Variants in RASGRF1 observed in about 807,000 individuals in gnomAD.
The protein encoded by RASGRF1 is Ras protein specific guanine nucleotide releasing factor 1, also known as ras-specific guanine nucleotide-releasing factor 1.
Under a neutral mutation model 138.7 loss-of-function variants are expected in RASGRF1, and 40 were observed. The ratio of observed to expected loss-of-function variants is 0.29; its 90% confidence interval spans 0.22 to 0.38. The LOEUF (loss-of-function observed/expected upper bound fraction) is 0.38, where lower values mean the gene tolerates loss of function less well. Ranked by LOEUF, RASGRF1 falls within the 10% of genes least tolerant of loss-of-function variation. The pLI is 1.00. For missense variants in RASGRF1, 1,108 were observed against 1,650.4 expected (o/e 0.67, Z 5.69); for synonymous variants, 614 against 663.2 (o/e 0.93, Z 1.14).
At chr15:79,017,950 C>A in intron 11 of RASGRF1, 44 bp from the exon 12 acceptor site, 1 of 1,604,694 alleles carries the variant, frequency 6.2e-7, no homozygotes, top group Admixed American at 1.7e-5. Context: ...AATGTGGACG[C>A]CTTTTCAGGT....
chr15:79,063,442 A>G (rs953589228), intron 2 of RASGRF1, among the ~76,000 whole-genome samples: 14 of 152,334 alleles, frequency 9.2e-5, no homozygotes, highest in Admixed American at 4.6e-4. Context: ...CATCATCCAC[A>G]CATACTTTTA....
chr15:79,008,872 G>A (rs2056738139), intron 13 of RASGRF1, among the ~76,000 whole-genome samples: 1 of 152,196 alleles, frequency 6.6e-6, no homozygotes. Context: ...CCGGAAAGAT[G>A]CTTTGAGGAC....
intron 26 of RASGRF1, among the ~76,000 whole-genome samples, chr15:78,969,889 T>C (rs987412277): frequency 1.3e-5 from 2 of 152,188 alleles, no homozygotes; most frequent in African/African-American, 4.8e-5. Flanking sequence ...GAGCCTACTA[T>C]AGTGCTTGGC....
intron 12 of RASGRF1, among the ~76,000 whole-genome samples, chr15:79,017,016 C>T (rs531433939): frequency 5.9e-5 from 9 of 152,346 alleles, no homozygotes; most frequent in Admixed American, 5.9e-4. Flanking sequence ...ATGGCACATC[C>T]CTGACCCATC....
intron 19 of RASGRF1, chr15:78,997,852 G>T: frequency 1.9e-6 from 1 of 540,062 alleles, no homozygotes; most frequent in Non-Finnish European, 3.3e-6. Flanking sequence ...AGTGTGCTGG[G>T]TTCTTGCTTT....
chr15:78,977,578 A>G (rs2141611848), intron 24 of RASGRF1, among the ~76,000 whole-genome samples: 2 of 152,328 alleles, frequency 1.3e-5, no homozygotes, highest in Admixed American at 1.3e-4. Context: ...CTTTGGGCTC[A>G]TGACATCCAT....
At chr15:79,061,661 T>A (rs2057609359) in intron 2 of RASGRF1, among the ~76,000 whole-genome samples, 1 of 152,246 alleles carries the variant, frequency 6.6e-6, no homozygotes, top group Non-Finnish European at 1.5e-5. Flanking sequence ...TTCATGTAAC[T>A]GGAACCAAAT....
chr15:79,056,863 C>T (rs1040863665), intron 3 of RASGRF1, among the ~76,000 whole-genome samples: 1 of 152,174 alleles, frequency 6.6e-6, no homozygotes. Flanking sequence ...GCATTCGGGA[C>T]TTTAAGCTCT....
chr15:79,002,500 G>C (rs2056552731), intron 15 of RASGRF1, among the ~76,000 whole-genome samples: 1 of 152,112 alleles, frequency 6.6e-6, no homozygotes, highest in Admixed American at 6.6e-5. Context: ...AGACAAGAAT[G>C]TCCACAGGCA....
At chr15:79,049,468 G>A in intron 4 of RASGRF1, 28 bp downstream of exon 4, 6 of 1,607,010 alleles carry the variant, frequency 3.7e-6, no homozygotes, top group East Asian at 2.2e-5. Flanking sequence ...GAGCTCCAAA[G>A]AAGGCCACCC....
chr15:79,082,056 A>G (rs1046020749), intron 1 of RASGRF1, among the ~76,000 whole-genome samples: 1 of 152,096 alleles, frequency 6.6e-6, no homozygotes. Context: ...TCATGAAACC[A>G]CCATAAAACC....
At chr15:79,040,947 C>A (rs1465080923) in intron 5 of RASGRF1, among the ~76,000 whole-genome samples, 5 of 152,214 alleles carry the variant, frequency 3.3e-5, no homozygotes, top group Non-Finnish European at 7.3e-5. Context: ...AGGTTTCAGG[C>A]ACTTGCTCAG....
chr15:78,978,476 C>T (rs3743196), intron 24 of RASGRF1: 243,331 of 945,802 alleles, frequency 0.26, 32,195 homozygotes, highest in African/African-American at 0.39. Context: ...CTGCCCACCT[C>T]GGCCTCCTAA....
rs2055812511 is a variant in RASGRF1 at position 78,973,475 on chromosome 15, C to G, written c.3495-55G>C. 4 of 1,349,498 alleles carry G rather than the reference C, an allele frequency of 3.0e-6. No individual in the cohort carries two copies. Among genetic ancestry groups the G allele is most frequent in the Non-Finnish European group, 2.1e-6 (2 of 951,862 alleles). 83.6% of individuals were successfully genotyped at this position (1,349,498 alleles called of 1,614,324 possible). ...TTTCATTTTAAAAAAGTAACGTCTA[C>G]CAAGAACAGAACATCCCGCATGCAC... On this transcript the variant is annotated intron_variant, in intron 24 of 26. Transcript: ENST00000558480. This position sits in a 1 kb window ranked among gnomAD's most constrained non-coding sequence, Gnocchi z 4.9.
At position 79,059,991 on chromosome 15, in the gene RASGRF1, G is replaced by C. The variant is rs112027003; in HGVS notation, c.384-1510C>G. 5.4e-3 allele frequency among the ~76,000 whole-genome samples: 169 copies of C among 31,454 alleles called. 1 individual carries two copies. The highest frequency in any genetic ancestry group is 0.018 in the South Asian group (12 of 684). 20.6% of individuals were successfully genotyped at this position (31,454 alleles called of 152,430 possible). A position where few individuals can be genotyped will look rare whatever the true frequency, so the allele number is the denominator to read the frequency against. On this transcript the variant is annotated intron_variant, in intron 2 of 26. Coordinates refer to ENST00000558480, the MANE Select transcript of RASGRF1 (RefSeq NM_001145648.3). ...ACACACACACACACACAGACACACA[G>C]ACACACACACACACACACACACACA... is the stretch of plus-strand genomic sequence containing the variant.
chr15:78,978,659 T>C (rs2055937464), intron 24 of RASGRF1: 1 of 1,012,942 alleles, frequency 9.9e-7, no homozygotes, highest in African/African-American at 1.7e-5. Context: ...GACTGCCACC[T>C]CGCTACTCTT....
intron 22 of RASGRF1, among the ~76,000 whole-genome samples, chr15:78,987,142 A>G (rs2056176160): frequency 6.6e-6 from 1 of 152,198 alleles, no homozygotes; most frequent in African/African-American, 2.4e-5. Flanking sequence ...TACCATGACC[A>G]CATTGGGTTT....
chr15:78,964,299 C>G (rs537643815), intron 26 of RASGRF1, among the ~76,000 whole-genome samples: 1 of 151,910 alleles, frequency 6.6e-6, no homozygotes, highest in East Asian at 1.9e-4. Flanking sequence ...CTCAGCATCC[C>G]GAGTAGCTGG....
chr15:79,008,041 C>T (rs2056719730), intron 13 of RASGRF1, among the ~76,000 whole-genome samples: 1 of 151,920 alleles, frequency 6.6e-6, no homozygotes, highest in African/African-American at 2.4e-5. Flanking sequence ...TGGGGTTTCA[C>T]CATGTTGGCC....
Sources: allele counts gnomAD v4.1 joint callset (sites outside exome capture counted in the v4.1 genomes callset), GRCh38; gene constraint gnomAD v4.1.1; non-coding constraint Gnocchi (gnomAD v3.1); transcripts MANE v1.5; gene names NCBI Gene and HGNC (gene_info 2026-07-23, HGNC 2026-07-21).